The following NREP variants were observed in gnomAD, a reference collection of about 807,000 sequenced individuals.
NREP encodes the protein neuronal regeneration related protein, also known as neuronal regeneration-related protein.
NREP carries 5 observed loss-of-function variants against 8.6 expected under a neutral mutation model. The ratio of observed to expected loss-of-function variants is 0.58; its 90% confidence interval spans 0.30 to 1.22. NREP has a LOEUF of 1.22. Ranked by LOEUF, NREP falls within the 50% of genes most tolerant of loss-of-function variation. The probability of loss-of-function intolerance (pLI) is 0.07; values close to 1 mark genes in which losing one functional copy is unlikely to be tolerated. For synonymous variants in NREP, 27 were observed against 28.0 expected, an observed-to-expected ratio of 0.96 and a Z score of 0.11; for missense variants, 86 against 82.5, an observed-to-expected ratio of 1.04 and a Z score of -0.17.
intron 2 of NREP, among the ~76,000 whole-genome samples, chr5:111,921,285 C>T (rs1460386385): frequency 6.6e-6 from 1 of 152,054 alleles, no homozygotes; most frequent in Non-Finnish European, 1.5e-5. Flanking sequence ...AGCTAGCGTT[C>T]CTCCTGAAGT....
chr5:111,937,715 G>A (rs1441069207), intron 2 of NREP, among the ~76,000 whole-genome samples: 1 of 152,022 alleles, frequency 6.6e-6, no homozygotes, highest in Non-Finnish European at 1.5e-5. Context: ...CTCCTTTAAA[G>A]GGTACTTTTC....
chr5:111,776,995 AGGAGGAGGAGGAAGGAGGT>A (rs550951117), intron 2 of NREP, among the ~76,000 whole-genome samples: 4,089 of 118,762 alleles, frequency 0.034, 295 homozygotes, highest in African/African-American at 0.1. Flanking sequence ...AAGGATGAGG[AGGAGGAGGAGGAAGGAGGT>A]GGAGGAGGAG....
chr5:111,956,420 GAATTA>G (rs1417156260), intron 2 of NREP, among the ~76,000 whole-genome samples: 1 of 151,584 alleles, frequency 6.6e-6, no homozygotes, highest in Non-Finnish European at 1.5e-5. Flanking sequence ...AAAGCTCAAA[GAATTA>G]AATACTAGAT....
At chr5:111,884,555 C>T (rs1033681017) in intron 2 of NREP, among the ~76,000 whole-genome samples, 20 of 148,810 alleles carry the variant, frequency 1.3e-4, no homozygotes, top group African/African-American at 4.9e-4. Flanking sequence ...CCTTGATGAA[C>T]ATTGATGCAA....
intron 2 of NREP, among the ~76,000 whole-genome samples, chr5:111,799,068 T>C (rs549377288): frequency 2.0e-5 from 3 of 152,164 alleles, no homozygotes; most frequent in Admixed American, 2.0e-4. Context: ...TCCTTTTCAC[T>C]AACACTTGGT....
intron 2 of NREP, among the ~76,000 whole-genome samples, chr5:111,806,093 T>C (rs1419530611): frequency 1.3e-5 from 2 of 152,126 alleles, no homozygotes; most frequent in Non-Finnish European, 2.9e-5. Context: ...TATTGTGTTA[T>C]TCTTGCCTCT....
At chr5:111,780,101 C>T (rs1375067813) in intron 2 of NREP, among the ~76,000 whole-genome samples, 10 of 152,114 alleles carry the variant, frequency 6.6e-5, no homozygotes, top group South Asian at 2.1e-4. Context: ...TCTGCCTTCC[C>T]GTGGAGAACA....
In NREP at chr5:111,945,856, T is replaced by A. The variant is rs1431601589; in HGVS notation, c.135+29418A>T. On this transcript the variant is annotated intron_variant, in intron 2 of 3. Transcript: ENST00000395634. Reference sequence around the variant, plus strand: ...GGTGATCACCAATTTAGCAAGCTCATTTAGACAGCATCAGCAAGTTTCTTA... The same window carrying A: ...GGTGATCACCAATTTAGCAAGCTCAATTAGACAGCATCAGCAAGTTTCTTA... Among the ~76,000 whole-genome samples, 5 of 152,012 alleles carry A rather than the reference T, an allele frequency of 3.3e-5. No individual in the cohort carries two copies. The East Asian group carries it at 9.7e-4, about 30-fold the overall frequency.
intron 2 of NREP, among the ~76,000 whole-genome samples, chr5:111,945,616 T>C (rs1250778329): frequency 6.6e-6 from 1 of 151,954 alleles, no homozygotes; most frequent in Non-Finnish European, 1.5e-5. Flanking sequence ...GAAAGTGACA[T>C]ACTGTAATCT....
intron 2 of NREP, among the ~76,000 whole-genome samples, chr5:111,924,084 C>G (rs925148781): frequency 3.9e-5 from 6 of 152,242 alleles, no homozygotes; most frequent in Admixed American, 2.6e-4. Flanking sequence ...AACAAATGGG[C>G]TTAATTCTTT....
chr5:111,806,901 G>T (rs908618169), intron 2 of NREP, among the ~76,000 whole-genome samples: 1 of 152,046 alleles, frequency 6.6e-6, no homozygotes, highest in African/African-American at 2.4e-5. Context: ...GACTCCCAGA[G>T]ATCATTCTCT....
At chr5:111,749,660 C>A (rs1750229208) in intron 2 of NREP, among the ~76,000 whole-genome samples, 1 of 152,150 alleles carries the variant, frequency 6.6e-6, no homozygotes, top group African/African-American at 2.4e-5. Context: ...GGGGGTGCAA[C>A]TGATTAGCAC....
chr5:111,927,640 G>A (rs1336269430), intron 2 of NREP, among the ~76,000 whole-genome samples: 1 of 152,158 alleles, frequency 6.6e-6, no homozygotes, highest in Non-Finnish European at 1.5e-5. Flanking sequence ...AGCACAAGAT[G>A]AATGCACAGT....
At chr5:111,811,006 G>A (rs1752257343) in intron 2 of NREP, among the ~76,000 whole-genome samples, 1 of 152,126 alleles carries the variant, frequency 6.6e-6, no homozygotes, top group Admixed American at 6.5e-5. Flanking sequence ...AAAAAAACAA[G>A]GAGCTTTACA....
At chr5:111,973,486 CAG>C (rs1272400400) in intron 2 of NREP, among the ~76,000 whole-genome samples, 3 of 152,152 alleles carry the variant, frequency 2.0e-5, no homozygotes, top group African/African-American at 4.8e-5. Flanking sequence ...TTCACCAGAA[CAG>C]AGTTTATTTT....
intron 2 of NREP, among the ~76,000 whole-genome samples, chr5:111,788,707 G>T (rs1348528028): frequency 6.6e-6 from 1 of 152,184 alleles, no homozygotes; most frequent in Non-Finnish European, 1.5e-5. Context: ...TTACACACAT[G>T]GTGATGGTTA....
intron 2 of NREP, among the ~76,000 whole-genome samples, chr5:111,838,598 A>G (rs1029934157): frequency 3.3e-5 from 5 of 152,124 alleles, no homozygotes; most frequent in Non-Finnish European, 7.4e-5. Context: ...CTTCAAATCT[A>G]TAGCAGCATC....
In NREP at chr5:111,935,548, G is replaced by T. The variant is rs936805465; in HGVS notation, c.135+39726C>A. 2.0e-5 allele frequency among the ~76,000 whole-genome samples: 3 copies of T among 152,060 alleles called. No individual in the cohort carries two copies. The South Asian group carries it at 6.2e-4, about 32-fold the overall frequency. Reference sequence around the variant, plus strand: ...ACTTTGAAATTTAGCTATAACTCCAGGGAGAAGGCAGAGATAAAGGCAGCT... The same window carrying T: ...ACTTTGAAATTTAGCTATAACTCCATGGAGAAGGCAGAGATAAAGGCAGCT... On this transcript the variant is annotated intron_variant, in intron 2 of 3. Coordinates refer to the NREP transcript ENST00000395634.
intron 2 of NREP, among the ~76,000 whole-genome samples, chr5:111,891,837 T>C (rs1754402478): frequency 6.6e-6 from 1 of 152,140 alleles, no homozygotes; most frequent in Admixed American, 6.5e-5. Context: ...TGCTGAACCA[T>C]TCCTGGGAAA....
Sources: gnomAD v4.1 joint callset for allele counts (sites outside exome capture counted in the v4.1 genomes callset) on GRCh38, gnomAD v4.1.1 for gene constraint, MANE v1.5 for transcripts, NCBI Gene and HGNC (gene_info 2026-07-23, HGNC 2026-07-21) for gene names.